Variants in ARHGAP20 observed in about 807,000 individuals in gnomAD.
ARHGAP20 encodes Rho GTPase activating protein 20.
Under a neutral mutation model 73.7 loss-of-function variants are expected in ARHGAP20, and 34 were observed. The observed-to-expected ratio is 0.46, with a 90% CI of 0.35 to 0.61. The LOEUF (loss-of-function observed/expected upper bound fraction) is 0.61. Among genes scored for constraint, ARHGAP20 ranks in the 20% least tolerant of loss-of-function variants. The pLI, the probability that ARHGAP20 is intolerant of heterozygous loss-of-function variation, is 0.00. For missense variants in ARHGAP20, 1,314 were observed against 1,420.9 expected (o/e 0.92, Z 1.21); for synonymous variants, 523 against 518.2 (o/e 1.01, Z -0.13).
At position 110,599,084 on chromosome 11, in the gene ARHGAP20, C is replaced by T. The variant is rs576074302; in HGVS notation, c.965-6929G>A. 1.1e-3 allele frequency among the ~76,000 whole-genome samples: 160 copies of T among 152,308 alleles called. 1 individual carries two copies. Among genetic ancestry groups the T allele is most frequent in the African/African-American group, 3.8e-3 (157 of 41,568 alleles). ...GCCCTCCCAGGTGTAGCTCCAGTCA[C>T]CCAAGTCATGGCTGCAGACCCAGGC... On this transcript the variant is annotated intron_variant, in intron 9 of 14. Coordinates refer to ENST00000683387, the MANE Select transcript of ARHGAP20 (RefSeq NM_001384657.1).
At chr11:110,688,144 T>C (rs1462072317) in intron 2 of ARHGAP20, among the ~76,000 whole-genome samples, 31 of 152,154 alleles carry the variant, frequency 2.0e-4, no homozygotes, top group Admixed American at 2.0e-3. Flanking sequence ...GAACCCACCA[T>C]TCTTCTCTAC....
intron 1 of ARHGAP20, among the ~76,000 whole-genome samples, chr11:110,705,684 G>C (rs1650680029): frequency 6.6e-6 from 1 of 152,126 alleles, no homozygotes; most frequent in Admixed American, 6.6e-5. Context: ...TGGACACAAA[G>C]TTTTTTCCTC....
Position 110,580,850 on chromosome 11 carries a change from C to A in ARHGAP20, c.2096G>T (p.Arg699Leu), listed in dbSNP as rs145598378. ...AAANAAKSLR[R>L]HRRCSEPSID... ...GCTGGGCTCTGAGCAACGCCGGTGT[C>A]GCCTCAGGCTTTTTGCAGCATTTGC... Residue 699 changes from arginine (R) to leucine (L), a missense_variant, in exon 15 of 15, where the codon CGA becomes CTA. Around this residue, in one of 3 missense-constraint regions of ARHGAP20, gnomAD observed 641 missense variants for 636.9 expected, o/e 1.01. Coordinates refer to ENST00000683387, the MANE Select transcript of ARHGAP20 (RefSeq NM_001384657.1). 6.2e-7 allele frequency: 1 copy of A among 1,613,052 alleles called. No individual in the cohort carries two copies. The highest frequency in any genetic ancestry group is 8.5e-7 in the Non-Finnish European group (1 of 1,179,236).
At chr11:110,640,183 A>G (rs1418464326) in intron 2 of ARHGAP20, among the ~76,000 whole-genome samples, 1 of 152,076 alleles carries the variant, frequency 6.6e-6, no homozygotes, top group African/African-American at 2.4e-5. Context: ...CCTATAGTTT[A>G]TAATGAACTC....
intron 2 of ARHGAP20, among the ~76,000 whole-genome samples, chr11:110,656,874 T>G (rs930079312): frequency 2.0e-5 from 3 of 152,234 alleles, no homozygotes; most frequent in African/African-American, 7.2e-5. Context: ...CTTTAGCCCA[T>G]ACTTGGTGCC....
At position 110,606,649 on chromosome 11, in the gene ARHGAP20, C is replaced by T. The variant is rs371865417; in HGVS notation, c.876G>A (p.Glu292=). 1 of 1,610,946 alleles carries T rather than the reference C, an allele frequency of 6.2e-7. No homozygotes were observed. Among genetic ancestry groups the T allele is most frequent in the Non-Finnish European group, 8.5e-7 (1 of 1,179,158 alleles). Residue 292 remains glutamate (E), a synonymous_variant, in exon 9 of 15, where the codon GAG becomes GAA. Transcript: ENST00000683387. ...KDSTTPFNLQ[E]PFLMEQLPRE... ...GGGGGAGCTGTTCCATAAGGAAGGG[C>T]TCCTGGAGGTTGAAAGGGGTGGTAG...
In ARHGAP20 at chr11:110,578,072, A is replaced by C. The variant is rs1408094007; in HGVS notation, c.*1298T>G. The C allele has an allele frequency of 2.0e-6, 2 of 985,446 alleles. No individual in the cohort carries two copies. The allele number at this position is 985,446 out of a possible 1,614,324, so 61.0% of individuals were successfully genotyped here. On this transcript the variant is annotated 3_prime_UTR_variant, in exon 15 of 15. Transcript: ENST00000683387. ...CATCCATTTTTAGTGCCATCCCTGC[A>C]TACTAGTTGGCAAGGCCTGATAATC...
At chr11:110,643,820 C>A (rs1176560028) in intron 2 of ARHGAP20, among the ~76,000 whole-genome samples, 1 of 151,964 alleles carries the variant, frequency 6.6e-6, no homozygotes, top group Non-Finnish European at 1.5e-5. Context: ...TAGTTTTGTG[C>A]CTCAATGATC....
intron 1 of ARHGAP20, among the ~76,000 whole-genome samples, chr11:110,706,638 G>T (rs1243246727): frequency 6.6e-6 from 1 of 152,126 alleles, no homozygotes; most frequent in East Asian, 1.9e-4. Flanking sequence ...CTGCACTTTT[G>T]CAAAGTGTTT....
At chr11:110,669,550 C>A (rs1212535324) in intron 2 of ARHGAP20, among the ~76,000 whole-genome samples, 2 of 151,312 alleles carry the variant, frequency 1.3e-5, no homozygotes, top group Non-Finnish European at 2.9e-5. Context: ...ATCAACTAAG[C>A]TCATGAAAAG....
At chr11:110,604,787 G>A (rs1414345256) in intron 9 of ARHGAP20, among the ~76,000 whole-genome samples, 1 of 152,142 alleles carries the variant, frequency 6.6e-6, no homozygotes, top group African/African-American at 2.4e-5. Context: ...AGATGAGGGA[G>A]TCCCTGATGA....
chr11:110,627,854 C>T (rs1948778227), intron 3 of ARHGAP20, among the ~76,000 whole-genome samples: 1 of 152,080 alleles, frequency 6.6e-6, no homozygotes, highest in Non-Finnish European at 1.5e-5. Context: ...AAAGAAAACT[C>T]ATGATTTTAT....
chr11:110,711,924 G>A lies in ARHGAP20; in HGVS notation c.105+203C>T, dbSNP rs1371243233. The A allele has an allele frequency of 1.2e-5, 15 of 1,255,476 alleles. No individual in the cohort carries two copies. The East Asian group carries it at 1.9e-4, about 16-fold the overall frequency. 77.8% of individuals were successfully genotyped at this position (1,255,476 alleles called of 1,614,324 possible). On this transcript the variant is annotated intron_variant, in intron 1 of 14. Coordinates refer to ENST00000683387, the MANE Select transcript of ARHGAP20 (RefSeq NM_001384657.1). ...ACTAAGGCTCTAGAAACGGAGAAGC[G>A]GGCGCTCTGCGGGAGGCGGCGGCGC... is the stretch of plus-strand genomic sequence containing the variant.
chr11:110,704,020 T>C (rs1052628739), intron 1 of ARHGAP20, among the ~76,000 whole-genome samples: 6 of 152,148 alleles, frequency 3.9e-5, no homozygotes, highest in Admixed American at 1.3e-4. Flanking sequence ...TTGGGAAGCT[T>C]TGCCTTACGG....
intron 1 of ARHGAP20, among the ~76,000 whole-genome samples, chr11:110,696,115 G>A (rs1565482719): frequency 6.6e-6 from 1 of 151,562 alleles, no homozygotes; most frequent in Non-Finnish European, 1.5e-5. Flanking sequence ...CCCAGAACAA[G>A]CAAATCTATA....
At chr11:110,589,447 A>G in intron 11 of ARHGAP20, 1 of 985,444 alleles carries the variant, frequency 1.0e-6, no homozygotes, top group Non-Finnish European at 1.2e-6. Flanking sequence ...GAGTAGGGGT[A>G]TGCAAGAATC....
Position 110,606,706 on chromosome 11 carries a change from G to A in ARHGAP20, c.819C>T (p.Asp273=), listed in dbSNP as rs150397704. The A allele has an allele frequency of 3.1e-6, 5 of 1,587,836 alleles. No individual in the cohort carries two copies. In the African/African-American group the frequency reaches 5.5e-5, roughly 17 times the overall value. Residue 273 remains aspartate, a synonymous_variant, in exon 9 of 15, where the codon GAC becomes GAT. Transcript: ENST00000683387. ...PYGIKMSHLR[D]SALLTPGSKD... is the part of the protein sequence containing the mutation. ...TTGATCCCGGTGTCAGGAGTGCAGA[G>A]TCTCGAAGATGGCTCATTTTAATTC...
intron 2 of ARHGAP20, among the ~76,000 whole-genome samples, chr11:110,654,934 T>G (rs957607724): frequency 2.6e-5 from 4 of 152,174 alleles, no homozygotes; most frequent in Non-Finnish European, 5.9e-5. Context: ...CAGAATACAA[T>G]TAGATTCCAG....
intron 4 of ARHGAP20, among the ~76,000 whole-genome samples, chr11:110,617,547 G>A (rs1379850656): frequency 6.6e-6 from 1 of 152,182 alleles, no homozygotes; most frequent in Non-Finnish European, 1.5e-5. Flanking sequence ...ACAAGTGTGA[G>A]CCACTGTGCC....
Sources: gnomAD v4.1 joint callset for allele counts (sites outside exome capture counted in the v4.1 genomes callset) on GRCh38, gnomAD v4.1.1 for gene constraint, gnomAD v4.1.1 regional missense constraint, MANE v1.5 for transcripts, NCBI Gene and HGNC (gene_info 2026-07-23, HGNC 2026-07-21) for gene names.